ELL2: variants seen among roughly 807,000 people sequenced by gnomAD.
ELL2 encodes RNA polymerase II elongation factor ELL2.
Under a neutral mutation model 72.8 loss-of-function variants are expected in ELL2, and 21 were observed. The observed-to-expected ratio is 0.29, with a 90% CI of 0.20 to 0.42. ELL2 has a LOEUF of 0.42. Ranked by LOEUF, ELL2 falls within the 10% of genes least tolerant of loss-of-function variation. ELL2 has a pLI of 1.00. For missense variants in ELL2, 568 were observed against 772.8 expected (o/e 0.73, Z 3.14); for synonymous variants, 266 against 283.2 (o/e 0.94, Z 0.61).
At chr5:95,919,345 T>C in intron 3 of ELL2, 79 bp downstream of exon 3, 1 of 1,461,468 alleles carries the variant, frequency 6.8e-7, no homozygotes, top group Non-Finnish European at 9.2e-7. Flanking sequence ...ATGAATATTA[T>C]GTATTGTATT....
chr5:95,945,799 C>T (rs184099928), intron 1 of ELL2, among the ~76,000 whole-genome samples: 1 of 152,274 alleles, frequency 6.6e-6, no homozygotes, highest in African/African-American at 2.4e-5. Context: ...TGTATGTGTA[C>T]GCTTCTTTCC....
At chr5:95,895,284 C>G (rs1748823441) in intron 9 of ELL2, among the ~76,000 whole-genome samples, 1 of 152,184 alleles carries the variant, frequency 6.6e-6, no homozygotes, top group South Asian at 2.1e-4. Context: ...TTTGGGGGAC[C>G]CAAGTGAATG....
intron 4 of ELL2, among the ~76,000 whole-genome samples, chr5:95,911,159 T>C (rs1749577385): frequency 6.6e-6 from 1 of 151,932 alleles, no homozygotes; most frequent in Admixed American, 6.6e-5. Context: ...GGCAGGAAGA[T>C]ACAGACTGAG....
chr5:95,955,790 A>G (rs1176512094), intron 1 of ELL2, among the ~76,000 whole-genome samples: 1 of 152,060 alleles, frequency 6.6e-6, no homozygotes, highest in Non-Finnish European at 1.5e-5. Context: ...AGGAATGTCC[A>G]TAATATCACA....
chr5:95,891,304 G>A (rs1748653180), intron 9 of ELL2, 30 bp from the exon 10 acceptor site: 16 of 1,581,210 alleles, frequency 1.0e-5, no homozygotes, highest in Non-Finnish European at 1.3e-5. Flanking sequence ...ATGGAGAGTA[G>A]CTACCCAATA....
intron 4 of ELL2, among the ~76,000 whole-genome samples, chr5:95,912,822 T>C (rs968382678): frequency 6.6e-6 from 1 of 152,220 alleles, no homozygotes; most frequent in Non-Finnish European, 1.5e-5. Flanking sequence ...GAATGTACTG[T>C]AGCTGGATCA....
chr5:95,927,408 C>T (rs555976597), intron 2 of ELL2, among the ~76,000 whole-genome samples: 657 of 24,856 alleles, frequency 0.026, 9 homozygotes, highest in Middle Eastern at 0.093. Flanking sequence ...CATACACACA[C>T]GTGTGTATAT....
In ELL2 at chr5:95,895,682, T is replaced by C; in HGVS notation, c.1535A>G (p.Glu512Gly). ...AGGTTCCATGGAGGCAGTGCAATCC[T>C]CTTTAACTCCTATGAAGAAAAAAAA... ...SSPNSSGGVK[E>G]DCTASMEPSA... The change falls in exon 9 of 12, where the codon GAG becomes GGG. Residue 512 changes from glutamate to glycine, a missense_variant. Physicochemically the swap from Glu to Gly is moderately conservative, Grantham distance 98 (BLOSUM62 -2). This residue lies in a region of ELL2 where 511 missense variants were observed against 728.4 expected (regional missense o/e 0.70). Transcript: ENST00000237853. 6.2e-7 allele frequency: 1 copy of C among 1,613,962 alleles called. No individual in the cohort carries two copies.
At chr5:95,941,400 T>A (rs1750963389) in intron 2 of ELL2, among the ~76,000 whole-genome samples, 1 of 152,180 alleles carries the variant, frequency 6.6e-6, no homozygotes. Context: ...ATTTCAAATA[T>A]AAACTGCCTG....
chr5:95,902,448 A>G (rs191929145), intron 5 of ELL2, among the ~76,000 whole-genome samples: 3 of 152,344 alleles, frequency 2.0e-5, no homozygotes, highest in African/African-American at 7.2e-5. Flanking sequence ...CGGCTTAGCC[A>G]TTAACTAACT....
chr5:95,887,492 A>G lies in ELL2; in HGVS notation c.*1379T>C, dbSNP rs1449907853. 6.6e-6 allele frequency: 1 copy of G among 152,666 alleles called. No individual in the cohort carries two copies. Among genetic ancestry groups the G allele is most frequent in the Non-Finnish European group, 1.5e-5 (1 of 68,034 alleles). 9.5% of individuals were successfully genotyped at this position (152,666 alleles called of 1,614,324 possible). On this transcript the variant is annotated 3_prime_UTR_variant, in exon 12 of 12. Transcript: ENST00000237853. ...TGTAAACATAATGCTTCCCTTTTCA[A>G]CTGGCAGCACTTTGAAAAGACAATA...
intron 1 of ELL2, among the ~76,000 whole-genome samples, chr5:95,947,801 ATAAAG>A (rs1273457600): frequency 6.6e-6 from 1 of 152,220 alleles, no homozygotes; most frequent in African/African-American, 2.4e-5. Flanking sequence ...AATGAATTTC[ATAAAG>A]TAATTATAAT....
At position 95,946,746 on chromosome 5, in the gene ELL2, G is replaced by A. The variant is rs577740160; in HGVS notation, c.148-3697C>T. ...AACTCTTTCCTGTTCTTCCAACCTG[G>A]CATAAATTCCCAAGCTCTACTTTGC... On this transcript the variant is annotated intron_variant, in intron 1 of 11. Transcript: ENST00000237853. 2.6e-5 allele frequency among the ~76,000 whole-genome samples: 4 copies of A among 152,228 alleles called. No individual in the cohort carries two copies. In the South Asian group the frequency reaches 8.3e-4, roughly 32 times the overall value.
intron 2 of ELL2, 87 bp downstream of exon 2, chr5:95,942,915 T>C (rs985422458): frequency 8.9e-6 from 9 of 1,015,242 alleles, no homozygotes; most frequent in Non-Finnish European, 1.2e-5. Flanking sequence ...CTGATTATAA[T>C]AAAAGGGTCA....
At chr5:95,956,955 A>C (rs1335282711) in intron 1 of ELL2, among the ~76,000 whole-genome samples, 2 of 152,212 alleles carry the variant, frequency 1.3e-5, no homozygotes, top group Non-Finnish European at 2.9e-5. Flanking sequence ...AATCCAATGG[A>C]GTTGACAAGA....
At chr5:95,904,836 A>T (rs1297269349) in intron 5 of ELL2, among the ~76,000 whole-genome samples, 3 of 152,126 alleles carry the variant, frequency 2.0e-5, no homozygotes, top group African/African-American at 4.8e-5. Context: ...TTTAGGTATA[A>T]TTGGTTTATG....
At chr5:95,956,593 A>G (rs1457502163) in intron 1 of ELL2, among the ~76,000 whole-genome samples, 1 of 152,184 alleles carries the variant, frequency 6.6e-6, no homozygotes, top group Non-Finnish European at 1.5e-5. Flanking sequence ...GAAAACACAT[A>G]CAAAATATGG....
intron 4 of ELL2, among the ~76,000 whole-genome samples, chr5:95,907,318 G>A (rs1401216739): frequency 6.8e-5 from 5 of 73,978 alleles, no homozygotes; most frequent in African/African-American, 4.2e-4. Context: ...TACAGGCCAA[G>A]ACAAATTTTA....
At chr5:95,939,322 T>C (rs1431749475) in intron 2 of ELL2, among the ~76,000 whole-genome samples, 2 of 151,872 alleles carry the variant, frequency 1.3e-5, no homozygotes, top group South Asian at 4.2e-4. Context: ...ATGTGTTTGT[T>C]AAGACTGTGC....
Sources: allele counts gnomAD v4.1 joint callset (sites outside exome capture counted in the v4.1 genomes callset), GRCh38; gene constraint gnomAD v4.1.1; regional missense constraint gnomAD v4.1.1; transcripts MANE v1.5; gene names NCBI Gene and HGNC (gene_info 2026-07-23, HGNC 2026-07-21).